TBC1D14: variants seen among roughly 807,000 people sequenced by gnomAD.
The protein encoded by TBC1D14 is TBC1 domain family, member 14.
TBC1D14 carries 26 observed loss-of-function variants against 79.0 expected under a neutral mutation model. The observed-to-expected ratio is 0.33, with a 90% CI of 0.24 to 0.46. The LOEUF (loss-of-function observed/expected upper bound fraction) is 0.46, where lower values mean the gene tolerates loss of function less well. TBC1D14 is among the 20% of genes least tolerant of loss of function. The pLI is 1.00. For missense variants in TBC1D14, 769 were observed against 887.6 expected (o/e 0.87, Z 1.70); for synonymous variants, 394 against 349.9 (o/e 1.13, Z -1.40).
chr4:6,933,501 T>A (rs1219105955), intron 2 of TBC1D14, among the ~76,000 whole-genome samples: 1 of 151,770 alleles, frequency 6.6e-6, no homozygotes, highest in African/African-American at 2.4e-5. Context: ...AGACATGGTC[T>A]CACTTTGTTG....
intron 1 of TBC1D14, among the ~76,000 whole-genome samples, chr4:6,911,007 C>T (rs905868827): frequency 6.6e-6 from 1 of 152,142 alleles, no homozygotes; most frequent in East Asian, 1.9e-4. Flanking sequence ...TAGTTGCTGT[C>T]TTGCCTAGCT....
At chr4:7,023,701 G>C (rs541627383) in intron 12 of TBC1D14, among the ~76,000 whole-genome samples, 1 of 152,338 alleles carries the variant, frequency 6.6e-6, no homozygotes, top group African/African-American at 2.4e-5. Flanking sequence ...GGGACTTACT[G>C]GTGGTGAGAC....
At chr4:6,945,749 C>CAAAAAAAAAAAAAAAAA (rs71173472) in intron 2 of TBC1D14, among the ~76,000 whole-genome samples, 4 of 64,132 alleles carry the variant, frequency 6.2e-5, no homozygotes, top group Non-Finnish European at 1.1e-4. Flanking sequence ...AACTGCGTCT[C>CAAAAAAAAAAAAAAAAA]AAAAAAAAAA....
chr4:7,005,364 G>A (rs532644417), intron 8 of TBC1D14, among the ~76,000 whole-genome samples: 10 of 152,270 alleles, frequency 6.6e-5, no homozygotes, highest in Admixed American at 2.6e-4. Flanking sequence ...CGAGACCCCC[G>A]TCTCTACTAA....
At chr4:7,022,686 G>T (rs909206760) in intron 12 of TBC1D14, among the ~76,000 whole-genome samples, 1 of 152,136 alleles carries the variant, frequency 6.6e-6, no homozygotes, top group African/African-American at 2.4e-5. Flanking sequence ...TTTGTCTCAT[G>T]GAAATGCAGA....
At chr4:7,000,122 G>A (rs1350553960) in intron 6 of TBC1D14, among the ~76,000 whole-genome samples, 1 of 152,196 alleles carries the variant, frequency 6.6e-6, no homozygotes, top group Non-Finnish European at 1.5e-5. Context: ...ATCCTCAAAA[G>A]GCTGGATGCT....
intron 9 of TBC1D14, among the ~76,000 whole-genome samples, chr4:7,007,058 C>G (rs1486375687): frequency 2.0e-5 from 3 of 152,178 alleles, no homozygotes; most frequent in Non-Finnish European, 4.4e-5. Context: ...CTCCTCTGCT[C>G]TCAGGACTGT....
At chr4:7,002,385 A>C (rs535383903) in intron 7 of TBC1D14, among the ~76,000 whole-genome samples, 17 of 152,318 alleles carry the variant, frequency 1.1e-4, no homozygotes, top group Middle Eastern at 6.8e-3. Context: ...GATTGGATGG[A>C]ATGCACAGTA....
chr4:6,996,200 A>G (rs1375921193), intron 4 of TBC1D14, 125 bp from the exon 5 acceptor site: 3 of 719,348 alleles, frequency 4.2e-6, no homozygotes, highest in Non-Finnish European at 7.2e-6. Flanking sequence ...GAACTGTGTA[A>G]TCTTAAAAAA....
intron 2 of TBC1D14, among the ~76,000 whole-genome samples, chr4:6,948,183 C>G (rs1231330752): frequency 6.6e-6 from 1 of 152,146 alleles, no homozygotes; most frequent in Non-Finnish European, 1.5e-5. Context: ...TGAACACACT[C>G]GTGTGTCTGC....
chr4:6,931,441 A>G (rs551828672), intron 2 of TBC1D14, among the ~76,000 whole-genome samples: 3 of 152,228 alleles, frequency 2.0e-5, no homozygotes, highest in African/African-American at 7.2e-5. Context: ...GTGAGCTTCA[A>G]TTTGAGGTTG....
At chr4:6,959,607 T>TC (rs1293209435) in intron 2 of TBC1D14, among the ~76,000 whole-genome samples, 10 of 152,184 alleles carry the variant, frequency 6.6e-5, no homozygotes, top group African/African-American at 2.4e-4. Context: ...GATCACAGGC[T>TC]CAGCGCTCCA....
At chr4:7,024,360 T>A (rs1249066079) in intron 12 of TBC1D14, among the ~76,000 whole-genome samples, 1 of 151,992 alleles carries the variant, frequency 6.6e-6, no homozygotes, top group African/African-American at 2.4e-5. Context: ...GGTGGAGATG[T>A]CCCCACCCAG....
In TBC1D14 at chr4:7,029,678, A is replaced by C. The variant is rs568952424; in HGVS notation, c.2017-649A>C. 5.3e-5 allele frequency among the ~76,000 whole-genome samples: 8 copies of C among 152,318 alleles called. No homozygotes were observed. The East Asian group carries it at 9.6e-4, about 18-fold the overall frequency. Reference sequence around the variant, plus strand: ...TGTCTGTACTAAAAATACAAAAATTAGCCAGGCGTGGTGGCACACCTCTGT... The same window carrying C: ...TGTCTGTACTAAAAATACAAAAATTCGCCAGGCGTGGTGGCACACCTCTGT... On this transcript the variant is annotated intron_variant, in intron 13 of 13. Coordinates refer to ENST00000409757, the MANE Select transcript of TBC1D14 (RefSeq NM_020773.3).
chr4:6,964,352 C>T (rs1715513543), intron 2 of TBC1D14, among the ~76,000 whole-genome samples: 1 of 152,186 alleles, frequency 6.6e-6, no homozygotes, highest in African/African-American at 2.4e-5. Flanking sequence ...ATTCCTTACA[C>T]CCTCTGCAGC....
Position 7,014,450 on chromosome 4 carries a change from G to C in TBC1D14, c.1650G>C (p.Met550Ile). 2.5e-6 allele frequency: 4 copies of C among 1,609,320 alleles called. No individual in the cohort carries two copies. The highest frequency in any genetic ancestry group is 3.4e-6 in the Non-Finnish European group (4 of 1,175,986). Residue 550 changes from methionine to isoleucine, a missense_variant and splice_region_variant, in exon 12 of 14, where the codon ATG (methionine) becomes ATC (isoleucine). By Grantham distance (10) the Met-to-Ile change is conservative. Around this residue, in one of 2 missense-constraint regions of TBC1D14, gnomAD observed 367 missense variants for 494.4 expected, o/e 0.74. Coordinates refer to ENST00000409757, the MANE Select transcript of TBC1D14 (RefSeq NM_020773.3). ...MAFFRVDHGLMLTYFAAFEVF... is the reference protein window; with the variant it reads ...MAFFRVDHGLILTYFAAFEVF... Reference sequence around the variant, plus strand: ...TAAATTTCATATTATCTCCCTAGATGTTGACTTATTTTGCTGCATTTGAAG... The same window carrying C: ...TAAATTTCATATTATCTCCCTAGATCTTGACTTATTTTGCTGCATTTGAAG...
intron 12 of TBC1D14, among the ~76,000 whole-genome samples, chr4:7,024,182 T>C (rs10516182): frequency 0.28 from 43,104 of 152,134 alleles, 6,281 homozygotes; most frequent in East Asian, 0.37. Context: ...GGAATCGTTA[T>C]GGGAAAGTCA....
intron 2 of TBC1D14, among the ~76,000 whole-genome samples, chr4:6,942,866 T>C (rs1713041930): frequency 6.6e-6 from 1 of 152,236 alleles, no homozygotes. Flanking sequence ...GGATAGATTT[T>C]ATCCCTTTTA....
At chr4:7,024,384 C>A (rs1560365967) in intron 12 of TBC1D14, among the ~76,000 whole-genome samples, 2 of 152,202 alleles carry the variant, frequency 1.3e-5, no homozygotes. Flanking sequence ...GGGATCCCCA[C>A]CTGTACCGAG....
Sources: gnomAD v4.1 joint callset for allele counts (sites outside exome capture counted in the v4.1 genomes callset) on GRCh38, gnomAD v4.1.1 for gene constraint, gnomAD v4.1.1 regional missense constraint, MANE v1.5 for transcripts, NCBI Gene and HGNC (gene_info 2026-07-23, HGNC 2026-07-21) for gene names.